Variants in PPP1CC observed in about 807,000 individuals in gnomAD.
PPP1CC encodes protein phosphatase 1 catalytic subunit gamma, also known as serine/threonine-protein phosphatase PP1-gamma catalytic subunit.
In PPP1CC, 16 loss-of-function variants were observed where a neutral mutation model predicts 38.4. The ratio of observed to expected loss-of-function variants is 0.42; its 90% CI spans 0.28 to 0.63. The LOEUF (loss-of-function observed/expected upper bound fraction) is 0.63. Ranked by LOEUF, PPP1CC falls within the 30% of genes least tolerant of loss-of-function variation. The probability of loss-of-function intolerance (pLI) is 0.25; values close to 1 mark genes in which losing one functional copy is unlikely to be tolerated. For synonymous variants in PPP1CC, 158 were observed against 136.0 expected, an observed-to-expected ratio of 1.16 and a Z score of -1.13; for missense variants, 170 against 391.3, an observed-to-expected ratio of 0.43 and a Z score of 4.77.
intron 1 of PPP1CC, among the ~76,000 whole-genome samples, chr12:110,737,734 C>T (rs2069963635): frequency 6.6e-6 from 1 of 151,286 alleles, no homozygotes; most frequent in Non-Finnish European, 1.5e-5. Flanking sequence ...TGCTTGTGGC[C>T]AGGAGTTAAA....
the PPP1CC span, among the ~76,000 whole-genome samples, chr12:110,713,335 G>A: frequency 0.017 from 2,640 of 152,120 alleles, 103 homozygotes; most frequent in African/African-American, 0.06. Flanking sequence ...GTTTCACCGT[G>A]TTGCTCAGGC....
chr12:110,732,114 T>C, intron 1 of PPP1CC: 5 of 589,098 alleles, frequency 8.5e-6, no homozygotes, highest in Non-Finnish European at 1.5e-5. Flanking sequence ...AGACTTCTTT[T>C]ATAGTATTCC....
At position 110,724,644 on chromosome 12, in the gene PPP1CC, A is replaced by C. The variant is rs1204030594; in HGVS notation, c.523+16T>G. On this transcript the variant is annotated intron_variant, in intron 4 of 6. Transcript: ENST00000335007. ...AGGGATCAAAACCTATTTGGAACAA[A>C]AATCAGCCCACCTACCTCCATGACA... 2 of 1,547,520 alleles carry C rather than the reference A, an allele frequency of 1.3e-6. No individual in the cohort carries two copies. The highest frequency in any genetic ancestry group is 2.2e-5 in the East Asian group (1 of 44,496).
downstream of PPP1CC, among the ~76,000 whole-genome samples, chr12:110,714,959 CA>C (rs2069677165): frequency 6.6e-6 from 1 of 151,714 alleles, no homozygotes; most frequent in South Asian, 2.1e-4. Flanking sequence ...CCAACCTCAG[CA>C]AAAACACCCT....
At chr12:110,712,398 G>A in the PPP1CC span, among the ~76,000 whole-genome samples, 1 of 151,742 alleles carries the variant, frequency 6.6e-6, no homozygotes, top group Non-Finnish European at 1.5e-5. Context: ...TCAGCACTTC[G>A]GGAGGCCAAG....
chr12:110,739,633 TAAAAC>T (rs1287393640), intron 1 of PPP1CC, among the ~76,000 whole-genome samples: 2 of 152,206 alleles, frequency 1.3e-5, no homozygotes, highest in African/African-American at 4.8e-5. Context: ...TTTAAATCAC[TAAAAC>T]AAGTCAGGCA....
intron 1 of PPP1CC, chr12:110,732,860 T>G (rs2069894760): frequency 6.6e-6 from 1 of 152,188 alleles, no homozygotes; most frequent in Non-Finnish European, 1.5e-5. Flanking sequence ...TGGTTCCAGT[T>G]GTAACAGACT....
At position 110,721,005 on chromosome 12, in the gene PPP1CC, A is replaced by G; in HGVS notation, c.*71T>C. The G allele has an allele frequency of 7.2e-7, 1 of 1,393,474 alleles. No individual in the cohort carries two copies. Among genetic ancestry groups the G allele is most frequent in the Non-Finnish European group, 1.0e-6 (1 of 981,942 alleles). 86.3% of individuals were successfully genotyped at this position (1,393,474 alleles called of 1,614,324 possible). On this transcript the variant is annotated 3_prime_UTR_variant, in exon 7 of 7. Transcript: ENST00000335007. ...TATCTGAGCAAGCTGACCAGTACAC[A>G]TTACAGTCTTAAAAATGAAGGTTAT...
chr12:110,738,075 T>G (rs1239108772), intron 1 of PPP1CC, among the ~76,000 whole-genome samples: 1 of 152,210 alleles, frequency 6.6e-6, no homozygotes, highest in East Asian at 1.9e-4. Context: ...AAGAACACAT[T>G]TCGGTAATAT....
At position 110,720,208 on chromosome 12, in the gene PPP1CC, T is replaced by TA; in HGVS notation, c.*867dup. ...GACGGGTTCAGGCCTGATGCAACTGTAAAAAGATTACTTAATGAATAGACT... is the reference window on the plus strand; with the variant it reads ...GACGGGTTCAGGCCTGATGCAACTGTAAAAAAGATTACTTAATGAATAGACT... On this transcript the variant is annotated 3_prime_UTR_variant, in exon 7 of 7. Transcript: ENST00000335007. 1 of 1,544,690 alleles carries TA rather than the reference T, an allele frequency of 6.5e-7. No individual in the cohort carries two copies. Among genetic ancestry groups the TA allele is most frequent in the Non-Finnish European group, 8.7e-7 (1 of 1,149,810 alleles).
At chr12:110,741,410 T>G (rs1348344928) in intron 1 of PPP1CC, among the ~76,000 whole-genome samples, 1 of 152,218 alleles carries the variant, frequency 6.6e-6, no homozygotes, top group Non-Finnish European at 1.5e-5. Context: ...CAGTTGAAAC[T>G]GCCAAGTTCC....
the PPP1CC span, among the ~76,000 whole-genome samples, chr12:110,708,630 C>T: frequency 6.6e-6 from 1 of 152,170 alleles, no homozygotes; most frequent in East Asian, 1.9e-4. Context: ...AGGCAGATTA[C>T]TTGAGGTCAG....
At chr12:110,741,902 G>A (rs2070020831) in intron 1 of PPP1CC, among the ~76,000 whole-genome samples, 1 of 152,242 alleles carries the variant, frequency 6.6e-6, no homozygotes, top group Non-Finnish European at 1.5e-5. Flanking sequence ...AGAAGCGTCA[G>A]TTATGATTAC....
intron 1 of PPP1CC, among the ~76,000 whole-genome samples, chr12:110,740,041 A>G (rs572742526): frequency 1.3e-5 from 2 of 152,316 alleles, no homozygotes; most frequent in East Asian, 3.9e-4. Flanking sequence ...TCAGAGAAGA[A>G]AAGAACTGCA....
At chr12:110,724,065 C>T (rs895782663) in intron 4 of PPP1CC, among the ~76,000 whole-genome samples, 2 of 151,856 alleles carry the variant, frequency 1.3e-5, no homozygotes, top group Non-Finnish European at 1.5e-5. Flanking sequence ...GGTGAAGCCC[C>T]GTCTCTACTA....
the PPP1CC span, among the ~76,000 whole-genome samples, chr12:110,708,850 C>CAAAAAA: frequency 1.5e-4 from 10 of 65,282 alleles, no homozygotes; most frequent in Admixed American, 1.9e-4. Context: ...GAGTCCATCT[C>CAAAAAA]AAAAAAAAAA....
chr12:110,714,386 G>C, the PPP1CC span, among the ~76,000 whole-genome samples: 9 of 152,046 alleles, frequency 5.9e-5, no homozygotes, highest in Non-Finnish European at 1.3e-4. Context: ...AGCTAACCCT[G>C]TGATCCACGC....
At position 110,720,043 on chromosome 12, in the gene PPP1CC, TG is replaced by T; in HGVS notation, c.*1032del. On this transcript the variant is annotated 3_prime_UTR_variant, in exon 7 of 7. Transcript: ENST00000335007. ...TAGGTACTGTGAGTTCTGTATAAACTGGTGGACAGTAAGTTAGTTCCTTTGT... is the reference window on the plus strand; with the variant it reads ...TAGGTACTGTGAGTTCTGTATAAACTGTGGACAGTAAGTTAGTTCCTTTGT... The T allele has an allele frequency of 1.7e-6, 2 of 1,144,158 alleles. No homozygotes were observed. Among genetic ancestry groups the T allele is most frequent in the Non-Finnish European group, 2.5e-6 (2 of 807,198 alleles). The allele number at this position is 1,144,158 out of a possible 1,614,324, so 70.9% of individuals were successfully genotyped here.
intron 4 of PPP1CC, 60 bp downstream of exon 4, chr12:110,724,599 TA>T (rs2069774708): frequency 1.1e-6 from 1 of 945,862 alleles, no homozygotes; most frequent in East Asian, 2.4e-5. Context: ...TCACAAATGT[TA>T]AAGTGTTCAC....
Sources: allele counts gnomAD v4.1 joint callset (sites outside exome capture counted in the v4.1 genomes callset), GRCh38; gene constraint gnomAD v4.1.1; transcripts MANE v1.5; gene names NCBI Gene and HGNC (gene_info 2026-07-23, HGNC 2026-07-21).